The following TMEM114 variants were observed in gnomAD, a reference collection of about 807,000 sequenced individuals.
TMEM114 encodes transmembrane protein 114.
Under a neutral mutation model 6.2 loss-of-function variants are expected in TMEM114, and 6 were observed. The ratio of observed to expected loss-of-function variants is 0.97; its 90% CI spans 0.53 to 1.91. TMEM114 has a LOEUF of 1.91. Ranked by LOEUF, TMEM114 falls within the 40% of genes most tolerant of loss-of-function variation. TMEM114 has a pLI of 0.01. For synonymous variants in TMEM114, 104 were observed against 73.0 expected (o/e 1.42, Z -2.16); for missense variants, 218 against 158.3 (o/e 1.38, Z -2.02).
chr16:8,587,504 C>T (rs2141703949), intron 2 of TMEM114, among the ~76,000 whole-genome samples: 1 of 152,124 alleles, frequency 6.6e-6, no homozygotes, highest in East Asian at 1.9e-4. Flanking sequence ...AGGGAGATTC[C>T]AGGTGGAGGG....
chr16:8,537,760 G>A (rs1024445459), exon 3 of TMEM114: 1 of 152,114 alleles, frequency 6.6e-6, no homozygotes, highest in African/African-American at 2.4e-5. Context: ...CCCTGCAGAA[G>A]TTTTCCATTC....
chr16:8,563,346 T>TGAGTG (rs1290076574), intron 2 of TMEM114, among the ~76,000 whole-genome samples: 1 of 142,564 alleles, frequency 7.0e-6, no homozygotes, highest in African/African-American at 2.6e-5. Flanking sequence ...AATGAGTGAG[T>TGAGTG]AAATGAGTGA....
At chr16:8,587,119 C>CT (rs1255388228) in intron 2 of TMEM114, among the ~76,000 whole-genome samples, 32 of 148,946 alleles carry the variant, frequency 2.1e-4, no homozygotes, top group Admixed American at 3.4e-4. Flanking sequence ...CAAACCAGGG[C>CT]TTTTTTTTTT....
At chr16:8,576,531 A>T (rs967986061) in intron 2 of TMEM114, among the ~76,000 whole-genome samples, 5 of 152,210 alleles carry the variant, frequency 3.3e-5, no homozygotes, top group Admixed American at 2.6e-4. Context: ...GGGAAAGGAT[A>T]TGATGGAGCA....
rs1247206160 is a variant in TMEM114 at position 8,569,750 on chromosome 16, C to T, written c.*23G>A. On this transcript the variant is annotated 3_prime_UTR_variant, in exon 4 of 4. Coordinates refer to ENST00000620492, the MANE Select transcript of TMEM114 (RefSeq NM_001146336.2). ...GCTCCGGGGCCAAGCCCCTCCCTCC[C>T]CTCCACGACCCAGCGCCCAGGCTCA... 2 of 1,532,334 alleles carry T rather than the reference C, an allele frequency of 1.3e-6. No individual in the cohort carries two copies. Among genetic ancestry groups the T allele is most frequent in the African/African-American group, 1.4e-5 (1 of 72,752 alleles). 94.9% of individuals were successfully genotyped at this position (1,532,334 alleles called of 1,614,324 possible). A position where few individuals can be genotyped will look rare whatever the true frequency, so the allele number is the denominator to read the frequency against.
Position 8,569,994 on chromosome 16 carries a change from G to T in TMEM114, c.451C>A (p.Leu151Ile), listed in dbSNP as rs754717475. The T allele has an allele frequency of 7.7e-6, 12 of 1,549,242 alleles. 1 individual carries two copies. Among genetic ancestry groups the T allele is most frequent in the Middle Eastern group, 1.7e-4 (1 of 6,004 alleles). Residue 151 changes from leucine to isoleucine, a missense_variant, in exon 4 of 4, where the codon CTC becomes ATC. Coordinates refer to ENST00000620492, the MANE Select transcript of TMEM114 (RefSeq NM_001146336.2). ...GCTATGTAGACGCTGATCCCAGCGA[G>T]GGTCACCATGGCTGCAGGGAGGGCA... ...ILFLFGAMVT[L>I]AGISVYIAYS...
downstream of TMEM114, among the ~76,000 whole-genome samples, chr16:8,534,352 G>GAA (rs151135400): frequency 0.24 from 35,921 of 148,510 alleles, 4,554 homozygotes; most frequent in African/African-American, 0.34. Context: ...TTGCTTATTT[G>GAA]AAAAAAAAAA....
At chr16:8,532,922 T>A (rs534462808), downstream of TMEM114, among the ~76,000 whole-genome samples, 1 of 152,034 alleles carries the variant, frequency 6.6e-6, no homozygotes, top group South Asian at 2.1e-4. Context: ...AGATTCCATC[T>A]CAAAAAAAGG....
chr16:8,589,186 C>T (rs1902406853), intron 2 of TMEM114, 27 bp downstream of exon 2: 2 of 398,552 alleles, frequency 5.0e-6, no homozygotes, highest in African/African-American at 2.1e-5. Context: ...GGGGCGCTCC[C>T]TCCATCCTCA....
At chr16:8,588,259 C>T in intron 2 of TMEM114, among the ~76,000 whole-genome samples, 1 of 148,740 alleles carries the variant, frequency 6.7e-6, no homozygotes, top group East Asian at 2.0e-4. Context: ...TGTACTCCAG[C>T]CTGGGCAACA....
chr16:8,571,348 A>C (rs1901727380), intron 3 of TMEM114, among the ~76,000 whole-genome samples: 1 of 152,150 alleles, frequency 6.6e-6, no homozygotes, highest in Admixed American at 6.5e-5. Context: ...ACACAGCATG[A>C]GGATTTGATA....
At chr16:8,558,099 C>G (rs566255199) in intron 2 of TMEM114, among the ~76,000 whole-genome samples, 45 of 152,106 alleles carry the variant, frequency 3.0e-4, no homozygotes, top group African/African-American at 9.9e-4. Context: ...ACTAAAAATA[C>G]AGAAATTAGC....
At chr16:8,531,333 A>G in the TMEM114 span, among the ~76,000 whole-genome samples, 7 of 152,222 alleles carry the variant, frequency 4.6e-5, no homozygotes, top group South Asian at 2.1e-4. Context: ...AGTTTCTCAT[A>G]TTCATTAATG....
At chr16:8,570,731 C>T (rs1901707303) in intron 3 of TMEM114, among the ~76,000 whole-genome samples, 1 of 152,214 alleles carries the variant, frequency 6.6e-6, no homozygotes, top group South Asian at 2.1e-4. Context: ...AGAACGGTGC[C>T]TGGCCCACGG....
At chr16:8,556,668 A>T (rs762143024) in intron 2 of TMEM114, among the ~76,000 whole-genome samples, 1 of 151,742 alleles carries the variant, frequency 6.6e-6, no homozygotes, top group African/African-American at 2.4e-5. Context: ...CACATGGCTA[A>T]TTTTTTGTAT....
chr16:8,589,229 C>G lies in TMEM114; in HGVS notation c.285G>C (p.Ser95=), dbSNP rs1042940609. ...FRLENVTVSE[S]SRQLLTMHGT... is the part of the protein sequence containing the mutation. ...CGGACTCACTGAGAAGTTGCCGGCTCGATTCGCTGACTGTCACGTTCTCCA... is the reference window on the plus strand; with the variant it reads ...CGGACTCACTGAGAAGTTGCCGGCTGGATTCGCTGACTGTCACGTTCTCCA... Residue 95 remains serine, a synonymous_variant, in exon 2 of 4, where the codon TCG becomes TCC. Transcript: ENST00000620492. 1.3e-4 allele frequency: 51 copies of G among 398,962 alleles called. No individual in the cohort carries two copies. The highest frequency in any genetic ancestry group is 9.8e-4 in the African/African-American group (48 of 48,772). 24.7% of individuals were successfully genotyped at this position (398,962 alleles called of 1,614,324 possible).
intron 2 of TMEM114, among the ~76,000 whole-genome samples, chr16:8,558,158 C>T (rs1014155887): frequency 2.0e-5 from 3 of 152,166 alleles, no homozygotes; most frequent in African/African-American, 7.2e-5. Context: ...GAGGCTGAGG[C>T]AGGAGAATCA....
chr16:8,564,159 G>T (rs1313707930), intron 2 of TMEM114, among the ~76,000 whole-genome samples: 1 of 151,354 alleles, frequency 6.6e-6, no homozygotes, highest in Non-Finnish European at 1.5e-5. Context: ...ATGAGTTAGT[G>T]AATGAGTGAG....
intron 2 of TMEM114, among the ~76,000 whole-genome samples, chr16:8,553,850 C>A (rs71377176): frequency 1.3e-5 from 2 of 151,934 alleles, no homozygotes; most frequent in Non-Finnish European, 2.9e-5. Flanking sequence ...CAGGCTCACA[C>A]CACTATGGCT....
Sources: allele counts gnomAD v4.1 joint callset (sites outside exome capture counted in the v4.1 genomes callset), GRCh38; gene constraint gnomAD v4.1.1; transcripts MANE v1.5; gene names NCBI Gene and HGNC (gene_info 2026-07-23, HGNC 2026-07-21).